UNC79: variants seen among roughly 807,000 people sequenced by gnomAD.
UNC79 encodes protein unc-79 homolog.
Under a neutral mutation model 283.1 loss-of-function variants are expected in UNC79, and 37 were observed. The ratio of observed to expected loss-of-function variants is 0.13; its 90% CI spans 0.10 to 0.17. The LOEUF (loss-of-function observed/expected upper bound fraction) is 0.17. Ranked by LOEUF, UNC79 falls within the 10% of genes least tolerant of loss-of-function variation. UNC79 has a pLI of 1.00. For missense variants in UNC79, 2,272 were observed against 3,211.1 expected (o/e 0.71, Z 7.07); for synonymous variants, 1,107 against 1,200.2 (o/e 0.92, Z 1.61).
intron 20 of UNC79, 61 bp downstream of exon 20, chr14:93,582,405 C>T: frequency 6.3e-7 from 1 of 1,589,102 alleles, no homozygotes; most frequent in Middle Eastern, 2.0e-4. Context: ...GCTCAAATCA[C>T]CGGGTTCTTG....
chr14:93,440,046 C>T (rs997922229), intron 1 of UNC79, among the ~76,000 whole-genome samples: 8 of 151,568 alleles, frequency 5.3e-5, no homozygotes, highest in African/African-American at 1.9e-4. Flanking sequence ...GGGAAAAAAA[C>T]AATAAAAAAT....
chr14:93,661,492 C>T (rs992909340), intron 39 of UNC79, among the ~76,000 whole-genome samples: 1 of 152,144 alleles, frequency 6.6e-6, no homozygotes, highest in Admixed American at 6.5e-5. Context: ...GAACTCATGG[C>T]ATGCAAGTGT....
intron 1 of UNC79, among the ~76,000 whole-genome samples, chr14:93,349,464 A>G (rs1489337414): frequency 6.6e-6 from 1 of 152,162 alleles, no homozygotes; most frequent in Non-Finnish European, 1.5e-5. Flanking sequence ...ATGGGGTTAC[A>G]ATCTTCCTGG....
At chr14:93,637,646 T>C (rs2068631790) in intron 32 of UNC79, among the ~76,000 whole-genome samples, 2 of 152,168 alleles carry the variant, frequency 1.3e-5, no homozygotes, top group African/African-American at 4.8e-5. Flanking sequence ...TTAGTAGAGA[T>C]GAGGTTTCAC....
intron 37 of UNC79, among the ~76,000 whole-genome samples, chr14:93,654,631 A>G (rs1239144576): frequency 2.6e-5 from 4 of 152,142 alleles, no homozygotes; most frequent in African/African-American, 9.7e-5. Flanking sequence ...TAAATTTTAA[A>G]AAGTTAATTA....
chr14:93,516,711 G>T (rs1199396579), intron 7 of UNC79, among the ~76,000 whole-genome samples: 1 of 152,056 alleles, frequency 6.6e-6, no homozygotes, highest in Non-Finnish European at 1.5e-5. Context: ...GCCTCCCAAA[G>T]TGCTGGGATT....
intron 38 of UNC79, among the ~76,000 whole-genome samples, chr14:93,655,858 C>T (rs2070877357): frequency 6.6e-6 from 1 of 151,990 alleles, no homozygotes; most frequent in African/African-American, 2.4e-5. Flanking sequence ...TGACTGTTAC[C>T]CCCTACACCA....
intron 1 of UNC79, among the ~76,000 whole-genome samples, chr14:93,372,048 G>A (rs1019321767): frequency 6.6e-6 from 1 of 152,190 alleles, no homozygotes; most frequent in African/African-American, 2.4e-5. Flanking sequence ...TGCCTTGCAA[G>A]AGAAGTTAAA....
chr14:93,333,706 C>T (rs2053508359), intron 1 of UNC79, among the ~76,000 whole-genome samples: 2 of 152,328 alleles, frequency 1.3e-5, no homozygotes, highest in South Asian at 2.1e-4. Context: ...TCCCTAGATG[C>T]CCCTTGTTTG....
rs773557668 is a variant in UNC79, at chr14:93,582,385, A to G, written c.2803+41A>G. The G allele has an allele frequency of 5.0e-6, 8 of 1,600,780 alleles. No individual in the cohort carries two copies. In the African/African-American group the frequency reaches 5.4e-5, roughly 11 times the overall value. ...CTGCCGGGGAATGCGCCACGTGCAC[A>G]TGGCCTGATGCTCAAATCACCGGGT... On this transcript the variant is annotated intron_variant, in intron 20 of 48. Transcript: ENST00000555664.
At chr14:93,534,722 A>C (rs1014773675) in intron 11 of UNC79, among the ~76,000 whole-genome samples, 2 of 152,154 alleles carry the variant, frequency 1.3e-5, no homozygotes, top group Non-Finnish European at 2.9e-5. Flanking sequence ...CCAGGATTTC[A>C]AACAGTTCTA....
exon 18 of UNC79, chr14:93,577,913 GAGTCCGTTTCGGAGTCCTTTGCGT>G (rs1174551515): frequency 1.9e-6 from 3 of 1,614,166 alleles, no homozygotes; most frequent in Non-Finnish European, 2.5e-6. Flanking sequence ...GTCCTTTCCA[GAGTCCGTTTCGGAGTCCTTTGCGT>G]AGTCCGTTTC....
intron 4 of UNC79, among the ~76,000 whole-genome samples, chr14:93,483,355 A>T (rs770915533): frequency 3.3e-5 from 5 of 152,150 alleles, no homozygotes; most frequent in Non-Finnish European, 5.9e-5. Context: ...CACTAGCCCC[A>T]TGTGGCTACT....
intron 31 of UNC79, among the ~76,000 whole-genome samples, chr14:93,631,197 A>G (rs1018410809): frequency 2.6e-5 from 4 of 152,236 alleles, no homozygotes; most frequent in Non-Finnish European, 4.4e-5. Flanking sequence ...TAAAAATTGT[A>G]TAACCTGAAC....
chr14:93,489,968 C>A (rs977910115), intron 5 of UNC79, among the ~76,000 whole-genome samples: 17 of 152,314 alleles, frequency 1.1e-4, no homozygotes, highest in Non-Finnish European at 1.0e-4. Context: ...GGTGAATACA[C>A]CCCCATGCCT....
intron 1 of UNC79, among the ~76,000 whole-genome samples, chr14:93,363,094 G>T (rs372887185): frequency 1.3e-5 from 2 of 152,004 alleles, no homozygotes; most frequent in East Asian, 1.9e-4. Flanking sequence ...TTTGACGTGG[G>T]TATTTAGCAC....
In UNC79 at chr14:93,610,434, G is replaced by A. The variant is rs372763589; in HGVS notation, c.3755-2363G>A. Among the ~76,000 whole-genome samples, 11 of 152,164 alleles carry A rather than the reference G, an allele frequency of 7.2e-5. No individual in the cohort carries two copies. The East Asian group carries it at 2.1e-3, about 29-fold the overall frequency. ...CACCCCAGAGCTAAAAGGAGTTGAA[G>A]ATTGAAGCTATATTGTAACAGCCAT... On this transcript the variant is annotated intron_variant, in intron 26 of 48. Transcript: ENST00000555664.
At chr14:93,487,193 TTAA>T (rs1383763842) in intron 4 of UNC79, among the ~76,000 whole-genome samples, 7 of 152,222 alleles carry the variant, frequency 4.6e-5, no homozygotes. Context: ...TGTAACTAAA[TTAA>T]TGTTATACAT....
At chr14:93,577,972 A>G (rs774367952) in exon 18 of UNC79, 3 of 1,614,216 alleles carry the variant, frequency 1.9e-6, no homozygotes, top group Admixed American at 3.3e-5. Flanking sequence ...AATTTTGGAC[A>G]CCCAGGAGGA....
Sources: allele counts gnomAD v4.1 joint callset (sites outside exome capture counted in the v4.1 genomes callset), GRCh38; gene constraint gnomAD v4.1.1; transcripts MANE v1.5; gene names NCBI Gene and HGNC (gene_info 2026-07-23, HGNC 2026-07-21).